TAFA1: variants seen among roughly 807,000 people sequenced by gnomAD.
TAFA1 encodes the protein chemokine-like protein TAFA-1.
TAFA1 carries 4 observed loss-of-function variants against 18.5 expected under a neutral mutation model. That is an observed-to-expected ratio of 0.22 (90% CI 0.11 to 0.49). TAFA1 has a LOEUF of 0.49. TAFA1 is among the 20% of genes least tolerant of loss of function. The pLI is 0.98. For synonymous variants in TAFA1, 56 were observed against 55.2 expected, an observed-to-expected ratio of 1.01 and a Z score of -0.06; for missense variants, 147 against 169.0, an observed-to-expected ratio of 0.87 and a Z score of 0.72.
intron 2 of TAFA1, among the ~76,000 whole-genome samples, chr3:68,023,213 A>G (rs976901296): frequency 6.6e-6 from 1 of 152,070 alleles, no homozygotes; most frequent in Non-Finnish European, 1.5e-5. Flanking sequence ...AGGTGATGCT[A>G]TGGTAACCAA....
intron 2 of TAFA1, among the ~76,000 whole-genome samples, chr3:68,172,455 T>C (rs1575659816): frequency 6.6e-6 from 1 of 152,170 alleles, no homozygotes; most frequent in East Asian, 1.9e-4. Context: ...GGTGGGATTA[T>C]AAAAGGTTGC....
At chr3:68,069,743 C>T (rs769312518) in intron 2 of TAFA1, among the ~76,000 whole-genome samples, 1 of 152,208 alleles carries the variant, frequency 6.6e-6, no homozygotes, top group Non-Finnish European at 1.5e-5. Context: ...TGGGTAAATA[C>T]AGCCATTCTA....
intron 2 of TAFA1, among the ~76,000 whole-genome samples, chr3:68,042,774 G>C (rs566795173): frequency 2.6e-5 from 4 of 152,210 alleles, no homozygotes; most frequent in Non-Finnish European, 5.9e-5. Context: ...TTTTGCTACT[G>C]TTTTATAGTT....
intron 3 of TAFA1, among the ~76,000 whole-genome samples, chr3:68,451,718 C>CATGT (rs2071569123): frequency 6.6e-6 from 1 of 152,178 alleles, no homozygotes; most frequent in South Asian, 2.1e-4. Context: ...CAAGACCAAA[C>CATGT]TGACAGATGA....
intron 4 of TAFA1, 101 bp from the exon 5 acceptor site, chr3:68,544,385 C>A: frequency 8.3e-7 from 1 of 1,211,176 alleles, no homozygotes; most frequent in South Asian, 1.4e-5. Context: ...AAAGCAACAT[C>A]CTAAAGATTC....
At chr3:68,343,809 C>A (rs975539209) in intron 2 of TAFA1, among the ~76,000 whole-genome samples, 3 of 152,004 alleles carry the variant, frequency 2.0e-5, no homozygotes, top group Admixed American at 2.0e-4. Flanking sequence ...TGCTGCTGTC[C>A]AATCTGATTC....
At chr3:68,479,241 A>AAAAAAAAT (rs1353493315) in intron 3 of TAFA1, among the ~76,000 whole-genome samples, 7 of 123,676 alleles carry the variant, frequency 5.7e-5, no homozygotes, top group East Asian at 2.5e-4. Flanking sequence ...AAAAAAAAAA[A>AAAAAAAAT]ATATATATAT....
chr3:68,390,230 A>C (rs143624503), intron 2 of TAFA1, among the ~76,000 whole-genome samples: 111 of 152,294 alleles, frequency 7.3e-4, no homozygotes, highest in African/African-American at 2.6e-3. Context: ...GTGTAAACAA[A>C]GCCTCTGGGA....
intron 2 of TAFA1, among the ~76,000 whole-genome samples, chr3:68,239,331 C>A (rs1028030175): frequency 6.6e-6 from 1 of 152,074 alleles, no homozygotes; most frequent in South Asian, 2.1e-4. Flanking sequence ...AACTCAGGAG[C>A]GCTGAATTTA....
At chr3:68,265,942 A>T (rs932499439) in intron 2 of TAFA1, among the ~76,000 whole-genome samples, 1 of 152,168 alleles carries the variant, frequency 6.6e-6, no homozygotes, top group Non-Finnish European at 1.5e-5. Flanking sequence ...AGAAGAAAAA[A>T]AATTGTATAA....
At chr3:68,224,933 G>C (rs1372001260) in intron 2 of TAFA1, among the ~76,000 whole-genome samples, 1 of 113,190 alleles carries the variant, frequency 8.8e-6, no homozygotes, top group Non-Finnish European at 1.7e-5. Flanking sequence ...TTTTGAGATG[G>C]AGTCTCGCTG....
intron 2 of TAFA1, among the ~76,000 whole-genome samples, chr3:68,073,581 C>T (rs753139370): frequency 3.3e-5 from 5 of 152,206 alleles, no homozygotes; most frequent in Non-Finnish European, 5.9e-5. Flanking sequence ...TACTCTCAAA[C>T]TGTCTAATAA....
At chr3:68,343,683 C>T (rs2069121094) in intron 2 of TAFA1, among the ~76,000 whole-genome samples, 1 of 152,176 alleles carries the variant, frequency 6.6e-6, no homozygotes, top group Non-Finnish European at 1.5e-5. Context: ...ATCTCTGTTG[C>T]ACTTGTTGCC....
chr3:68,485,533 A>G (rs2072319260), intron 3 of TAFA1, among the ~76,000 whole-genome samples: 1 of 152,180 alleles, frequency 6.6e-6, no homozygotes, highest in Admixed American at 6.5e-5. Context: ...TACTCACCGT[A>G]TTTACCAGAA....
intron 2 of TAFA1, among the ~76,000 whole-genome samples, chr3:68,309,330 T>G (rs1372155381): frequency 2.0e-5 from 3 of 152,168 alleles, no homozygotes; most frequent in Non-Finnish European, 4.4e-5. Flanking sequence ...ATCTAGTACC[T>G]TGAAGGGATA....
At chr3:68,185,021 C>A (rs1401525145) in intron 2 of TAFA1, among the ~76,000 whole-genome samples, 1 of 152,126 alleles carries the variant, frequency 6.6e-6, no homozygotes, top group Non-Finnish European at 1.5e-5. Context: ...TTTAACCCTG[C>A]TATATGTCAG....
chr3:68,437,486 C>T (rs1467761944), intron 3 of TAFA1, among the ~76,000 whole-genome samples: 1 of 152,156 alleles, frequency 6.6e-6, no homozygotes, highest in Non-Finnish European at 1.5e-5. Flanking sequence ...CAAAGGGCTG[C>T]ATCTCGTAAG....
chr3:68,417,142 C>G, intron 2 of TAFA1, 138 bp from the exon 3 acceptor site: 1 of 661,584 alleles, frequency 1.5e-6, no homozygotes, highest in Non-Finnish European at 2.6e-6. Flanking sequence ...AGAAGAGAGT[C>G]CTGTTGTAAT....
intron 3 of TAFA1, among the ~76,000 whole-genome samples, chr3:68,478,677 A>G (rs1020392269): frequency 6.6e-6 from 1 of 152,130 alleles, no homozygotes; most frequent in African/African-American, 2.4e-5. Flanking sequence ...CTTTGAAACA[A>G]CTAGCAATTT....
Sources: gnomAD v4.1 joint callset for allele counts (sites outside exome capture counted in the v4.1 genomes callset) on GRCh38, gnomAD v4.1.1 for gene constraint, MANE v1.5 for transcripts, NCBI Gene and HGNC (gene_info 2026-07-23, HGNC 2026-07-21) for gene names.